ENAH: variants seen among roughly 807,000 people sequenced by gnomAD.
ENAH encodes protein enabled homolog.
ENAH carries 23 observed loss-of-function variants against 78.7 expected under a neutral mutation model. The ratio of observed to expected loss-of-function variants is 0.29; its 90% confidence interval spans 0.21 to 0.41. The LOEUF is 0.41. ENAH is among the 10% of genes least tolerant of loss of function. ENAH has a pLI of 1.00. For synonymous variants in ENAH, 226 were observed against 241.0 expected (o/e 0.94, Z 0.58); for missense variants, 544 against 691.0 (o/e 0.79, Z 2.39).
chr1:225,603,624 G>C (rs2148032184), intron 1 of ENAH, among the ~76,000 whole-genome samples: 1 of 152,240 alleles, frequency 6.6e-6, no homozygotes, highest in Middle Eastern at 3.4e-3. Context: ...AAAATGTACA[G>C]AGGCATTCAT....
At chr1:225,581,745 G>C (rs1427055734) in intron 1 of ENAH, among the ~76,000 whole-genome samples, 3 of 151,956 alleles carry the variant, frequency 2.0e-5, no homozygotes, top group African/African-American at 7.3e-5. Flanking sequence ...CCAGGCTGGA[G>C]TGCAGTGGTG....
At chr1:225,596,040 A>C (rs568414255) in intron 1 of ENAH, among the ~76,000 whole-genome samples, 1 of 152,300 alleles carries the variant, frequency 6.6e-6, no homozygotes, top group South Asian at 2.1e-4. Flanking sequence ...CAGCATCTTG[A>C]CATAATTCTA....
chr1:225,507,958 T>G lies in ENAH; in HGVS notation c.1531A>C (p.Ile511Leu). ...NTMNGSKSPVISRPKSTPLSQ... is the reference protein window; with the variant it reads ...NTMNGSKSPVLSRPKSTPLSQ... Reference sequence around the variant, plus strand: ...AGAGAAAAAAATTGATACCTGGAGATAACAGGTGACTTGCTGCCATTCATT... The same window carrying G: ...AGAGAAAAAAATTGATACCTGGAGAGAACAGGTGACTTGCTGCCATTCATT... The change falls in exon 11 of 14, where the codon ATC becomes CTC. Residue 511 changes from isoleucine to leucine, a missense_variant. By Grantham distance (5) the Ile-to-Leu change is conservative. This residue lies in a region of ENAH where 97 missense variants were observed against 124.4 expected (regional missense o/e 0.78). Coordinates refer to ENST00000366843, the MANE Select transcript of ENAH (RefSeq NM_018212.6). 6.4e-7 allele frequency: 1 copy of G among 1,552,780 alleles called. No individual in the cohort carries two copies. The highest frequency in any genetic ancestry group is 8.6e-7 in the Non-Finnish European group (1 of 1,158,892).
intron 10 of ENAH, 38 bp from the exon 11 acceptor site, chr1:225,508,055 A>G (rs1421331391): frequency 7.7e-7 from 1 of 1,304,840 alleles, no homozygotes; most frequent in African/African-American, 1.5e-5. Context: ...AAATAAATAA[A>G]TGCTTCCAGA....
At chr1:225,609,107 G>A (rs999801601) in intron 1 of ENAH, among the ~76,000 whole-genome samples, 1 of 151,840 alleles carries the variant, frequency 6.6e-6, no homozygotes, top group Non-Finnish European at 1.5e-5. Context: ...CATGAAAATG[G>A]TAAAAATCCC....
chr1:225,506,083 G>A (rs933970970), intron 11 of ENAH, among the ~76,000 whole-genome samples: 1 of 151,976 alleles, frequency 6.6e-6, no homozygotes, highest in Non-Finnish European at 1.5e-5. Context: ...ATACATCAAA[G>A]AATGTATTCC....
Position 225,496,188 on chromosome 1 carries a change from A to AT in ENAH, c.*1586dup. ...TTCTTAAATTTTCCAAAAAGCTATC[A>AT]TTCCAACATGTAGGATTTCTCCCCT... On this transcript the variant is annotated 3_prime_UTR_variant, in exon 14 of 14. Transcript: ENST00000366843. The AT allele has an allele frequency of 6.5e-6, 1 of 152,674 alleles. No individual in the cohort carries two copies. Among genetic ancestry groups the AT allele is most frequent in the Non-Finnish European group, 1.5e-5 (1 of 68,048 alleles). The allele number at this position is 152,674 out of a possible 1,614,324, so 9.5% of individuals were successfully genotyped here.
chr1:225,628,180 A>C (rs1381084958), intron 1 of ENAH, among the ~76,000 whole-genome samples: 2 of 152,226 alleles, frequency 1.3e-5, no homozygotes, highest in African/African-American at 4.8e-5. Context: ...TCAGCATCAA[A>C]ACATTCCCTC....
At chr1:225,549,786 T>C (rs1418723198) in intron 3 of ENAH, among the ~76,000 whole-genome samples, 2 of 152,200 alleles carry the variant, frequency 1.3e-5, no homozygotes, top group Non-Finnish European at 2.9e-5. Context: ...GTGGCAGGTA[T>C]AGCCAGCACT....
At chr1:225,520,474 G>C (rs957593644) in intron 4 of ENAH, among the ~76,000 whole-genome samples, 1 of 151,864 alleles carries the variant, frequency 6.6e-6, no homozygotes, top group African/African-American at 2.4e-5. Flanking sequence ...TTCCCCTTGT[G>C]TAAAAATACA....
At chr1:225,562,545 C>G (rs926665340) in intron 2 of ENAH, among the ~76,000 whole-genome samples, 18 of 118,466 alleles carry the variant, frequency 1.5e-4, no homozygotes, top group Admixed American at 1.5e-3. Context: ...GCACTCCAGC[C>G]TGGGCGACAG....
chr1:225,633,286 G>A (rs1026813800), intron 1 of ENAH, among the ~76,000 whole-genome samples: 3 of 150,868 alleles, frequency 2.0e-5, no homozygotes, highest in Admixed American at 6.6e-5. Context: ...TCCTGACCTC[G>A]TGATCCACCT....
At position 225,487,047 on chromosome 1, in the gene ENAH, C is replaced by G. The variant is rs560768640; in HGVS notation, c.*10728G>C. 1.0e-4 allele frequency: 16 copies of G among 152,786 alleles called. No homozygotes were observed. In the East Asian group the frequency reaches 2.9e-3, roughly 28 times the overall value. The allele number at this position is 152,786 out of a possible 1,614,324, so 9.5% of individuals were successfully genotyped here. On this transcript the variant is annotated 3_prime_UTR_variant, in exon 14 of 14. Coordinates refer to ENST00000366843, the MANE Select transcript of ENAH (RefSeq NM_018212.6). ...CAGTGACTTCAGCAGGTCCACTGAT[C>G]CACCACAGTGACAGGGCCAGGCCCC...
At chr1:225,572,110 C>T (rs1477800017) in intron 1 of ENAH, among the ~76,000 whole-genome samples, 5 of 152,014 alleles carry the variant, frequency 3.3e-5, no homozygotes, top group African/African-American at 9.7e-5. Context: ...TGGAACTGAG[C>T]CCTTAACCTA....
At position 225,652,661 on chromosome 1, in the gene ENAH, G is replaced by A. The variant is rs1575894467; in HGVS notation, c.5+25C>T. The A allele has an allele frequency of 3.9e-6, 5 of 1,269,248 alleles. No individual in the cohort carries two copies. The South Asian group carries it at 1.3e-4, about 34-fold the overall frequency. 78.6% of individuals were successfully genotyped at this position (1,269,248 alleles called of 1,614,324 possible). A position where few individuals can be genotyped will look rare whatever the true frequency, so the allele number is the denominator to read the frequency against. ...GCTCCCGCGGCACAATGGCCCGCCC[G>A]GCCCCCGCCCCGCGCGCCCCTCACC... On this transcript the variant is annotated intron_variant, in intron 1 of 13. Coordinates refer to ENST00000366843, the MANE Select transcript of ENAH (RefSeq NM_018212.6).
At chr1:225,514,527 T>C (rs1417257894) in intron 7 of ENAH, 69 bp downstream of exon 7, 2 of 1,181,520 alleles carry the variant, frequency 1.7e-6, no homozygotes, top group Non-Finnish European at 2.5e-6. Context: ...TAGAATACAA[T>C]AAATTCAACA....
intron 1 of ENAH, among the ~76,000 whole-genome samples, chr1:225,600,524 A>G (rs2096925343): frequency 6.6e-6 from 1 of 152,224 alleles, no homozygotes; most frequent in African/African-American, 2.4e-5. Flanking sequence ...CCAACCTAAT[A>G]CAAAGGCCTA....
At chr1:225,621,037 T>C (rs1415604062) in intron 1 of ENAH, among the ~76,000 whole-genome samples, 1 of 152,138 alleles carries the variant, frequency 6.6e-6, no homozygotes, top group African/African-American at 2.4e-5. Context: ...AGATAGTCCT[T>C]TGTAGTCTTT....
At chr1:225,538,164 A>G (rs1333334756) in intron 3 of ENAH, among the ~76,000 whole-genome samples, 1 of 152,170 alleles carries the variant, frequency 6.6e-6, no homozygotes, top group African/African-American at 2.4e-5. Context: ...TGGTGTTCAC[A>G]CTTCGGACCA....
Sources: allele counts gnomAD v4.1 joint callset (sites outside exome capture counted in the v4.1 genomes callset), GRCh38; gene constraint gnomAD v4.1.1; regional missense constraint gnomAD v4.1.1; transcripts MANE v1.5; gene names NCBI Gene and HGNC (gene_info 2026-07-23, HGNC 2026-07-21).